Variants in RNF150 observed in about 807,000 individuals in gnomAD.
RNF150 encodes ring finger protein 150.
In RNF150, 24 loss-of-function variants were observed where a neutral mutation model predicts 39.3. The observed-to-expected ratio is 0.61, with a 90% CI of 0.44 to 0.86. RNF150 has a LOEUF of 0.86. Ranked by LOEUF, RNF150 falls within the 40% of genes least tolerant of loss-of-function variation. RNF150 has a pLI of 0.00. For missense variants in RNF150, 502 were observed against 587.8 expected (o/e 0.85, Z 1.51); for synonymous variants, 255 against 227.3 (o/e 1.12, Z -1.10).
chr4:140,923,171 G>T (rs533896446), intron 5 of RNF150, among the ~76,000 whole-genome samples: 1 of 152,096 alleles, frequency 6.6e-6, no homozygotes, highest in Non-Finnish European at 1.5e-5. Flanking sequence ...ACCACCATCA[G>T]GGTGAACAGG....
chr4:141,002,548 G>A (rs994717188), intron 1 of RNF150, among the ~76,000 whole-genome samples: 6 of 152,086 alleles, frequency 3.9e-5, no homozygotes, highest in Non-Finnish European at 5.9e-5. Flanking sequence ...AATATGCTTC[G>A]CAGCTAACAG....
intron 1 of RNF150, among the ~76,000 whole-genome samples, chr4:141,014,923 GT>G (rs925835277): frequency 6.0e-5 from 9 of 150,638 alleles, no homozygotes; most frequent in Admixed American, 1.3e-4. Flanking sequence ...TTTCCCCTAT[GT>G]TTTTTTTTCT....
chr4:141,004,608 T>C (rs73860225), intron 1 of RNF150, among the ~76,000 whole-genome samples: 11,530 of 152,268 alleles, frequency 0.076, 482 homozygotes, highest in Middle Eastern at 0.16. Context: ...TAGGTGAGTA[T>C]GGAGACAGGA....
At chr4:141,112,735 G>C (rs532555014) in intron 1 of RNF150, among the ~76,000 whole-genome samples, 1 of 152,178 alleles carries the variant, frequency 6.6e-6, no homozygotes, top group South Asian at 2.1e-4. Flanking sequence ...TATCTTTGTG[G>C]TGTTCTCTGT....
At chr4:140,920,199 A>C (rs1731049988) in intron 5 of RNF150, among the ~76,000 whole-genome samples, 1 of 149,750 alleles carries the variant, frequency 6.7e-6, no homozygotes, top group African/African-American at 2.5e-5. Flanking sequence ...GATCTAATTG[A>C]ACTAAAGAGC....
In RNF150 at chr4:140,863,305, T is replaced by C. The variant is rs1728564262; in HGVS notation, c.*4956A>G. The C allele has an allele frequency of 6.6e-6, 1 of 152,170 alleles. No individual in the cohort carries two copies. The highest frequency in any genetic ancestry group is 6.5e-5 in the Admixed American group (1 of 15,276). The allele number at this position is 152,170 out of a possible 1,614,324, so 9.4% of individuals were successfully genotyped here. ...TGCCATTATTTGCCCAGAAAACATT[T>C]ATGGCAAGGAAGCCTGAAAACATGG... On this transcript the variant is annotated 3_prime_UTR_variant, in exon 7 of 7. Transcript: ENST00000515673.
chr4:141,003,489 C>T (rs572384807), intron 1 of RNF150, among the ~76,000 whole-genome samples: 34 of 151,780 alleles, frequency 2.2e-4, no homozygotes, highest in African/African-American at 8.2e-4. Context: ...TGCTCTCTTA[C>T]GTTTCCCACT....
At chr4:141,100,739 C>T (rs1738978243) in intron 1 of RNF150, among the ~76,000 whole-genome samples, 1 of 152,144 alleles carries the variant, frequency 6.6e-6, no homozygotes, top group South Asian at 2.1e-4. Flanking sequence ...GTGGAAACAT[C>T]ATAGAGTGTA....
chr4:141,035,767 T>G (rs1277231642), intron 1 of RNF150, among the ~76,000 whole-genome samples: 1 of 152,142 alleles, frequency 6.6e-6, no homozygotes, highest in African/African-American at 2.4e-5. Flanking sequence ...AATAATGGTA[T>G]GTGGAAAAGA....
chr4:141,183,458 A>G (rs556651549), intron 1 of RNF150, among the ~76,000 whole-genome samples: 15 of 152,148 alleles, frequency 9.9e-5, no homozygotes, highest in Non-Finnish European at 1.9e-4. Context: ...AAGTGAGAGA[A>G]TTTTGCAGAT....
At chr4:141,013,049 G>A (rs1335592793) in intron 1 of RNF150, among the ~76,000 whole-genome samples, 1 of 152,148 alleles carries the variant, frequency 6.6e-6, no homozygotes, top group Non-Finnish European at 1.5e-5. Context: ...GAGACAAATG[G>A]GGAAAATGGA....
intron 1 of RNF150, among the ~76,000 whole-genome samples, chr4:141,041,493 A>G (rs1486131711): frequency 6.6e-6 from 1 of 152,114 alleles, no homozygotes; most frequent in Non-Finnish European, 1.5e-5. Flanking sequence ...CACACACAAA[A>G]AAACTATACT....
intron 1 of RNF150, among the ~76,000 whole-genome samples, chr4:140,986,952 A>G (rs764613683): frequency 6.6e-6 from 1 of 152,112 alleles, no homozygotes; most frequent in Admixed American, 6.6e-5. Context: ...ATGTACAAAA[A>G]TCAGCAGCAT....
At chr4:141,097,746 C>T (rs1462885245) in intron 1 of RNF150, among the ~76,000 whole-genome samples, 1 of 151,820 alleles carries the variant, frequency 6.6e-6, no homozygotes, top group African/African-American at 2.4e-5. Context: ...TTGTAAACTG[C>T]TTGTTTTTAT....
At chr4:140,975,840 C>T (rs1733643665) in intron 1 of RNF150, among the ~76,000 whole-genome samples, 1 of 152,208 alleles carries the variant, frequency 6.6e-6, no homozygotes, top group Admixed American at 6.5e-5. Flanking sequence ...TCTCACCCTC[C>T]TCTCAGATGA....
chr4:141,075,473 A>G (rs910001423), intron 1 of RNF150, among the ~76,000 whole-genome samples: 1 of 152,250 alleles, frequency 6.6e-6, no homozygotes, highest in African/African-American at 2.4e-5. Context: ...TGTTATGTTT[A>G]CTAATTAGAA....
intron 1 of RNF150, among the ~76,000 whole-genome samples, chr4:141,088,925 G>A (rs1247712241): frequency 6.6e-6 from 1 of 152,072 alleles, no homozygotes; most frequent in Non-Finnish European, 1.5e-5. Flanking sequence ...ATAATTCTCT[G>A]AGACACAAGG....
intron 5 of RNF150, among the ~76,000 whole-genome samples, chr4:140,924,776 A>C (rs535232052): frequency 6.6e-6 from 1 of 152,172 alleles, no homozygotes; most frequent in South Asian, 2.1e-4. Flanking sequence ...AATTTAATGC[A>C]TTATCTTTAA....
At position 140,967,629 on chromosome 4, in the gene RNF150, C is replaced by A; in HGVS notation, c.729G>T (p.Arg243Ser). Residue 243 changes from arginine to serine, a missense_variant, in exon 2 of 7, where the codon AGG becomes AGT. By Grantham distance (110) the Arg-to-Ser change is moderately radical. Coordinates refer to ENST00000515673, the MANE Select transcript of RNF150 (RefSeq NM_020724.2). ...QRFRYANARD[R>S]NQRRLGDAAK... ...TTAACTTTTTGCTACTCACCTGGTT[C>A]CTATCCCTGGCATTTGCATATCGAA... is the stretch of plus-strand genomic sequence containing the variant. 1 of 1,606,568 alleles carries A rather than the reference C, an allele frequency of 6.2e-7. No individual in the cohort carries two copies.
Sources: gnomAD v4.1 joint callset for allele counts (sites outside exome capture counted in the v4.1 genomes callset) on GRCh38, gnomAD v4.1.1 for gene constraint, MANE v1.5 for transcripts, NCBI Gene and HGNC (gene_info 2026-07-23, HGNC 2026-07-21) for gene names.